The following AGTPBP1 variants were observed in gnomAD, a reference collection of about 807,000 sequenced individuals.
The protein encoded by AGTPBP1 is cytosolic carboxypeptidase 1.
Under a neutral mutation model 143.9 loss-of-function variants are expected in AGTPBP1, and 70 were observed. That is an observed-to-expected ratio of 0.49 (90% confidence interval 0.40 to 0.59). The LOEUF (loss-of-function observed/expected upper bound fraction) is 0.59, where lower values mean the gene tolerates loss of function less well. Ranked by LOEUF, AGTPBP1 falls within the 20% of genes least tolerant of loss-of-function variation. AGTPBP1 has a pLI of 0.00. For missense variants in AGTPBP1, 1,229 were observed against 1,464.5 expected (o/e 0.84, Z 2.62); for synonymous variants, 463 against 500.2 (o/e 0.93, Z 0.99).
intron 6 of AGTPBP1, 50 bp from the exon 7 acceptor site, chr9:85,672,731 AATTTT>A: frequency 7.3e-7 from 1 of 1,361,440 alleles, no homozygotes; most frequent in Non-Finnish European, 9.9e-7. Flanking sequence ...TTTTCTTTTT[AATTTT>A]TTTTTTTTTT....
intron 1 of AGTPBP1, among the ~76,000 whole-genome samples, chr9:85,716,114 A>C (rs539380164): frequency 6.6e-6 from 1 of 151,962 alleles, no homozygotes; most frequent in South Asian, 2.1e-4. Flanking sequence ...GACTTTCCCC[A>C]CCCCACTCCA....
intron 2 of AGTPBP1, among the ~76,000 whole-genome samples, chr9:85,694,047 G>A (rs539185662): frequency 2.0e-5 from 3 of 149,036 alleles, no homozygotes; most frequent in African/African-American, 5.0e-5. Flanking sequence ...TCAGAGTTGG[G>A]GGTAGGCATG....
At chr9:85,758,349 A>T in the AGTPBP1 span, among the ~76,000 whole-genome samples, 1 of 152,170 alleles carries the variant, frequency 6.6e-6, no homozygotes, top group Non-Finnish European at 1.5e-5. Flanking sequence ...GGAAATTAAA[A>T]GGGTTGGAGG....
chr9:85,571,603 A>G (rs949308370), intron 25 of AGTPBP1, among the ~76,000 whole-genome samples: 6 of 152,220 alleles, frequency 3.9e-5, no homozygotes, highest in African/African-American at 1.4e-4. Context: ...AGAGGAAAAA[A>G]CTACTTCATA....
chr9:85,653,710 T>C (rs1471083265), intron 11 of AGTPBP1, among the ~76,000 whole-genome samples: 4 of 152,212 alleles, frequency 2.6e-5, no homozygotes, highest in African/African-American at 9.7e-5. Context: ...CAGAAGATAA[T>C]GCATTCCTAG....
intron 1 of AGTPBP1, among the ~76,000 whole-genome samples, chr9:85,716,140 TCAA>T (rs1468181823): frequency 1.3e-5 from 2 of 152,200 alleles, no homozygotes; most frequent in South Asian, 2.1e-4. Flanking sequence ...ACCATTCTTA[TCAA>T]CAACTAATGA....
chr9:85,757,353 C>T, the AGTPBP1 span, among the ~76,000 whole-genome samples: 4 of 152,238 alleles, frequency 2.6e-5, 1 homozygote, highest in African/African-American at 7.2e-5. Flanking sequence ...GCATGAGCCA[C>T]CATGCCCGGC....
the AGTPBP1 span, among the ~76,000 whole-genome samples, chr9:85,798,939 G>T: frequency 1.3e-5 from 2 of 152,012 alleles, no homozygotes; most frequent in African/African-American, 4.8e-5. Flanking sequence ...ATGTTGGTTT[G>T]CTGCACCCAT....
chr9:85,694,005 A>G (rs958417838), intron 2 of AGTPBP1, among the ~76,000 whole-genome samples: 1 of 152,218 alleles, frequency 6.6e-6, no homozygotes, highest in Admixed American at 6.5e-5. Flanking sequence ...TGAGGTGGCC[A>G]GTGTGGCTGG....
chr9:85,796,122 T>C, the AGTPBP1 span, among the ~76,000 whole-genome samples: 5 of 152,214 alleles, frequency 3.3e-5, 1 homozygote, highest in African/African-American at 7.2e-5. Context: ...AGTAAGGATT[T>C]TGAAGTGAAC....
intron 14 of AGTPBP1, among the ~76,000 whole-genome samples, chr9:85,623,297 T>A (rs1831060068): frequency 6.6e-6 from 1 of 150,978 alleles, no homozygotes; most frequent in African/African-American, 2.5e-5. Context: ...AAAAAAAAAA[T>A]GCCACTCTGC....
In AGTPBP1 at chr9:85,741,794, G is replaced by C; in HGVS notation, c.-53C>G. 7.4e-7 allele frequency: 1 copy of C among 1,359,100 alleles called. No individual in the cohort carries two copies. The highest frequency in any genetic ancestry group is 1.7e-5 in the South Asian group (1 of 57,284). 84.2% of individuals were successfully genotyped at this position (1,359,100 alleles called of 1,614,324 possible). ...GCTCACCGGCTCAGGATGGGGCGCT[G>C]GCGGGGACCGCGCAGAGCCGCAGCA... On this transcript the variant is annotated 5_prime_UTR_variant, in exon 1 of 26. Coordinates refer to ENST00000357081, the MANE Select transcript of AGTPBP1 (RefSeq NM_001330701.2).
At chr9:85,579,817 G>A (rs1363029028) in intron 23 of AGTPBP1, among the ~76,000 whole-genome samples, 1 of 149,554 alleles carries the variant, frequency 6.7e-6, no homozygotes. Flanking sequence ...GGCACTACTA[G>A]ATAGTCACTA....
the AGTPBP1 span, among the ~76,000 whole-genome samples, chr9:85,779,214 TATAGATATAG>T: frequency 1.0e-3 from 140 of 138,656 alleles, no homozygotes; most frequent in African/African-American, 4.0e-3. Flanking sequence ...TAGATATAGA[TATAGATATAG>T]ATATAGATAT....
chr9:85,660,215 A>C (rs1278415793), intron 9 of AGTPBP1, among the ~76,000 whole-genome samples: 1 of 152,044 alleles, frequency 6.6e-6, no homozygotes, highest in Non-Finnish European at 1.5e-5. Flanking sequence ...GGGGACATAT[A>C]AAAGCCACCC....
intron 8 of AGTPBP1, among the ~76,000 whole-genome samples, chr9:85,665,658 T>A (rs1587855996): frequency 6.6e-6 from 1 of 152,334 alleles, no homozygotes; most frequent in Non-Finnish European, 1.5e-5. Flanking sequence ...TTACAACTGT[T>A]TAAACCAAAT....
At chr9:85,720,647 GTCTC>G (rs1011380238) in intron 1 of AGTPBP1, among the ~76,000 whole-genome samples, 25 of 150,994 alleles carry the variant, frequency 1.7e-4, no homozygotes, top group African/African-American at 6.1e-4. Flanking sequence ...GATTTTTTGT[GTCTC>G]TCTCTCTCTC....
Position 85,734,230 on chromosome 9 carries a change from C to T in AGTPBP1, c.-34+7545G>A, listed in dbSNP as rs543970046. The stretch of plus-strand genomic sequence containing the variant: ...ATGGCACCACTGCACTCCAGCCTGG[C>T]GACAAAGAGAGACTCCGTCTGAAAC... On this transcript the variant is annotated intron_variant, in intron 1 of 25. Transcript: ENST00000357081. Among the ~76,000 whole-genome samples the T allele has an allele frequency of 3.3e-5, 5 of 151,878 alleles. No homozygotes were observed. In the East Asian group the frequency reaches 5.8e-4, roughly 18 times the overall value.
chr9:85,742,255 C>T (rs1024483542), upstream of AGTPBP1, among the ~76,000 whole-genome samples: 58 of 152,152 alleles, frequency 3.8e-4, no homozygotes, highest in Non-Finnish European at 6.9e-4. Context: ...GCCACCGCCC[C>T]TCCGTACCGA....
Sources: allele counts gnomAD v4.1 joint callset (sites outside exome capture counted in the v4.1 genomes callset), GRCh38; gene constraint gnomAD v4.1.1; transcripts MANE v1.5; gene names NCBI Gene and HGNC (gene_info 2026-07-23, HGNC 2026-07-21).